The following MACROD2 variants were observed in gnomAD, a reference collection of about 807,000 sequenced individuals.
The protein encoded by MACROD2 is ADP-ribose glycohydrolase MACROD2.
In MACROD2, 36 loss-of-function variants were observed where a neutral mutation model predicts 70.4. The observed-to-expected ratio is 0.51, with a 90% CI of 0.39 to 0.68. The LOEUF is 0.68. Among genes scored for constraint, MACROD2 ranks in the 30% least tolerant of loss-of-function variants. MACROD2 has a pLI of 0.00. For missense variants in MACROD2, 496 were observed against 538.4 expected, an observed-to-expected ratio of 0.92 and a Z score of 0.78; for synonymous variants, 172 against 178.8, an observed-to-expected ratio of 0.96 and a Z score of 0.30.
At chr20:15,290,875 G>C (rs569662867) in intron 6 of MACROD2, among the ~76,000 whole-genome samples, 1 of 152,196 alleles carries the variant, frequency 6.6e-6, no homozygotes, top group South Asian at 2.1e-4. Context: ...CTAGGTGCTG[G>C]GGCAGACGCT....
chr20:14,314,536 G>A (rs1025003166), intron 3 of MACROD2, among the ~76,000 whole-genome samples: 1 of 152,146 alleles, frequency 6.6e-6, no homozygotes, highest in Non-Finnish European at 1.5e-5. Context: ...CGAGGTGGGT[G>A]GATCACCTGA....
At chr20:14,946,811 T>C (rs533804596) in intron 5 of MACROD2, among the ~76,000 whole-genome samples, 5 of 152,322 alleles carry the variant, frequency 3.3e-5, no homozygotes, top group African/African-American at 1.2e-4. Context: ...TTCTTTTAAT[T>C]CACTTTCATT....
Position 15,142,481 on chromosome 20 carries a change from AT to A in MACROD2, c.419-87452del, listed in dbSNP as rs546664520. On this transcript the variant is annotated intron_variant, in intron 5 of 17. Coordinates refer to ENST00000684519, the MANE Select transcript of MACROD2 (RefSeq NM_001351661.2). ...AAGTTTAGTTATGGTTTTCATAGGC[AT>A]TTTTTTGTTATTTTCCATTTTTACT... Among the ~76,000 whole-genome samples the A allele has an allele frequency of 2.6e-5, 4 of 151,920 alleles. No homozygotes were observed. In the East Asian group the frequency reaches 7.8e-4, roughly 29 times the overall value.
At position 16,041,792 on chromosome 20, in the gene MACROD2, C is replaced by A. The variant is rs551235032; in HGVS notation, c.1231+514C>A. Among the ~76,000 whole-genome samples, 5 of 152,080 alleles carry A rather than the reference C, an allele frequency of 3.3e-5. No individual in the cohort carries two copies. In the South Asian group the frequency reaches 1.0e-3, roughly 32 times the overall value. ...CCTTAAAAATAAATTTTCAAACAAC[C>A]TTTAAAAACTTACATCTAATTTTGT... On this transcript the variant is annotated intron_variant, in intron 16 of 17. Coordinates refer to ENST00000684519, the MANE Select transcript of MACROD2 (RefSeq NM_001351661.2).
At chr20:15,093,254 A>G (rs1434496533) in intron 5 of MACROD2, among the ~76,000 whole-genome samples, 3 of 152,226 alleles carry the variant, frequency 2.0e-5, no homozygotes, top group South Asian at 2.1e-4. Flanking sequence ...GTATATCTGG[A>G]TGTTTTGATA....
At chr20:15,498,094 G>T (rs1338626274) in intron 7 of MACROD2, among the ~76,000 whole-genome samples, 1 of 152,176 alleles carries the variant, frequency 6.6e-6, no homozygotes, top group African/African-American at 2.4e-5. Flanking sequence ...AAAGGTTCAA[G>T]AACTTACGCA....
At chr20:15,018,975 G>C (rs752199504) in intron 5 of MACROD2, among the ~76,000 whole-genome samples, 1 of 152,190 alleles carries the variant, frequency 6.6e-6, no homozygotes, top group Non-Finnish European at 1.5e-5. Flanking sequence ...TGTCATGCTT[G>C]TACAGCCTGC....
At chr20:14,330,797 T>C (rs1195461911) in intron 3 of MACROD2, among the ~76,000 whole-genome samples, 1 of 152,106 alleles carries the variant, frequency 6.6e-6, no homozygotes, top group Non-Finnish European at 1.5e-5. Flanking sequence ...ATTGTCAAAT[T>C]CCAATAGTAT....
intron 5 of MACROD2, among the ~76,000 whole-genome samples, chr20:14,787,811 G>A (rs977283181): frequency 2.6e-5 from 4 of 151,996 alleles, no homozygotes; most frequent in African/African-American, 7.3e-5. Context: ...GATCTTGTTC[G>A]GACTATACCT....
chr20:14,051,864 C>T, intron 2 of MACROD2: 1 of 509,216 alleles, frequency 2.0e-6, no homozygotes, highest in South Asian at 1.4e-5. Context: ...TGGATATGAT[C>T]CTTGGTTTCA....
chr20:15,662,407 G>A (rs2049834416), intron 8 of MACROD2, among the ~76,000 whole-genome samples: 1 of 152,090 alleles, frequency 6.6e-6, no homozygotes, highest in South Asian at 2.1e-4. Context: ...CATCCTTGGT[G>A]CTTAGCATTG....
chr20:15,920,137 G>A (rs568918019), intron 10 of MACROD2, among the ~76,000 whole-genome samples: 1 of 152,312 alleles, frequency 6.6e-6, no homozygotes, highest in South Asian at 2.1e-4. Context: ...AGCACAGCTT[G>A]ATTAGAAAGA....
intron 5 of MACROD2, among the ~76,000 whole-genome samples, chr20:15,217,251 C>T (rs1010207565): frequency 2.6e-5 from 4 of 152,116 alleles, no homozygotes; most frequent in South Asian, 2.1e-4. Flanking sequence ...CATGTATGCA[C>T]GTGGTAAATG....
At chr20:15,119,444 A>G (rs183594723) in intron 5 of MACROD2, among the ~76,000 whole-genome samples, 82 of 152,326 alleles carry the variant, frequency 5.4e-4, no homozygotes, top group African/African-American at 1.7e-3. Context: ...CTGTGATTTT[A>G]GACATAGTAG....
chr20:14,775,208 G>C (rs527530792), intron 5 of MACROD2, among the ~76,000 whole-genome samples: 2 of 152,220 alleles, frequency 1.3e-5, no homozygotes, highest in African/African-American at 4.8e-5. Flanking sequence ...GACAATTCTT[G>C]AATGAAGGTA....
intron 8 of MACROD2, among the ~76,000 whole-genome samples, chr20:15,825,694 C>T (rs2063990228): frequency 6.6e-6 from 1 of 152,050 alleles, no homozygotes; most frequent in South Asian, 2.1e-4. Context: ...ATATATACTA[C>T]AACAATGATG....
chr20:14,290,860 A>C (rs2082380978), intron 3 of MACROD2, among the ~76,000 whole-genome samples: 1 of 152,240 alleles, frequency 6.6e-6, no homozygotes, highest in Non-Finnish European at 1.5e-5. Context: ...GAAGACTGGC[A>C]TTTAGGAGTT....
intron 3 of MACROD2, among the ~76,000 whole-genome samples, chr20:14,458,961 A>G (rs1251564946): frequency 6.6e-6 from 1 of 152,066 alleles, no homozygotes; most frequent in Non-Finnish European, 1.5e-5. Context: ...TAAATAATCT[A>G]GGTTAATATT....
intron 3 of MACROD2, among the ~76,000 whole-genome samples, chr20:14,433,911 C>T (rs1312689749): frequency 6.6e-6 from 1 of 151,980 alleles, no homozygotes; most frequent in Non-Finnish European, 1.5e-5. Context: ...AAATGACTTG[C>T]ATACATAGTT....
Sources: gnomAD v4.1 joint callset for allele counts (sites outside exome capture counted in the v4.1 genomes callset) on GRCh38, gnomAD v4.1.1 for gene constraint, MANE v1.5 for transcripts, NCBI Gene and HGNC (gene_info 2026-07-23, HGNC 2026-07-21) for gene names.